TTLL5: variants seen among roughly 807,000 people sequenced by gnomAD.
The protein encoded by TTLL5 is tubulin polyglutamylase TTLL5.
TTLL5 carries 132 observed loss-of-function variants against 168.4 expected under a neutral mutation model. The observed-to-expected ratio is 0.78, with a 90% CI of 0.68 to 0.91. The LOEUF (loss-of-function observed/expected upper bound fraction) is 0.91, where lower values mean the gene tolerates loss of function less well. Ranked by LOEUF, TTLL5 falls within the 40% of genes least tolerant of loss-of-function variation. TTLL5 has a pLI of 0.00. For missense variants in TTLL5, 1,545 were observed against 1,581.5 expected, an observed-to-expected ratio of 0.98 and a Z score of 0.39; for synonymous variants, 546 against 558.6, an observed-to-expected ratio of 0.98 and a Z score of 0.32.
At chr14:75,917,780 G>A (rs1290207463) in intron 31 of TTLL5, among the ~76,000 whole-genome samples, 3 of 152,226 alleles carry the variant, frequency 2.0e-5, no homozygotes, top group African/African-American at 7.2e-5. Context: ...CTCTGCAGCA[G>A]AGGGTGGAGC....
At chr14:75,716,612 T>C (rs572699688) in intron 9 of TTLL5, among the ~76,000 whole-genome samples, 17 of 152,292 alleles carry the variant, frequency 1.1e-4, no homozygotes, top group African/African-American at 4.1e-4. Context: ...CTTTTTTTTT[T>C]CACACACTTG....
chr14:75,788,548 A>T (rs1383733243), intron 26 of TTLL5, among the ~76,000 whole-genome samples: 2 of 152,176 alleles, frequency 1.3e-5, no homozygotes, highest in Non-Finnish European at 2.9e-5. Flanking sequence ...TAACTTATGT[A>T]AAAATGACTC....
intron 31 of TTLL5, among the ~76,000 whole-genome samples, chr14:75,940,105 G>A (rs1207194537): frequency 1.8e-5 from 2 of 112,708 alleles, no homozygotes; most frequent in Non-Finnish European, 3.4e-5. Flanking sequence ...TTTTTGAGAT[G>A]GAGTCTCACT....
intron 28 of TTLL5, among the ~76,000 whole-genome samples, chr14:75,828,515 CTGTTTAT>C (rs1895364377): frequency 1.3e-5 from 2 of 152,192 alleles, no homozygotes; most frequent in Admixed American, 1.3e-4. Flanking sequence ...GTGTTAATTA[CTGTTTAT>C]CCGTAAGGCT....
At chr14:75,718,520 G>A (rs1887618553) in intron 10 of TTLL5, among the ~76,000 whole-genome samples, 2 of 151,918 alleles carry the variant, frequency 1.3e-5, no homozygotes, top group Non-Finnish European at 2.9e-5. Flanking sequence ...TGCTGAGGGG[G>A]GAGGAAAAAA....
At chr14:75,894,009 A>G (rs755174521) in intron 30 of TTLL5, among the ~76,000 whole-genome samples, 1 of 152,196 alleles carries the variant, frequency 6.6e-6, no homozygotes, top group Non-Finnish European at 1.5e-5. Flanking sequence ...GTTAATGACT[A>G]TAAAATAATT....
chr14:75,928,366 T>TATATATATATATATATATA (rs1202108865), intron 31 of TTLL5, among the ~76,000 whole-genome samples: 5 of 142,318 alleles, frequency 3.5e-5, no homozygotes, highest in African/African-American at 1.3e-4. Context: ...TATATATATA[T>TATATATATATATATATATA]ATCACTGTAT....
At chr14:75,699,403 G>A in intron 7 of TTLL5, 133 bp downstream of exon 7, 1 of 806,756 alleles carries the variant, frequency 1.2e-6, no homozygotes, top group Non-Finnish European at 2.0e-6. Flanking sequence ...TCAGAAGTGA[G>A]TTAAGCGTAG....
chr14:75,787,476 C>A (rs937288677), intron 26 of TTLL5, among the ~76,000 whole-genome samples: 6 of 152,150 alleles, frequency 3.9e-5, no homozygotes, highest in African/African-American at 1.4e-4. Context: ...AAAGTGTCTG[C>A]ACCTCATAAA....
intron 20 of TTLL5, among the ~76,000 whole-genome samples, chr14:75,767,077 TG>T (rs1445914322): frequency 6.6e-6 from 1 of 151,826 alleles, no homozygotes; most frequent in Non-Finnish European, 1.5e-5. Flanking sequence ...GCAGGAGAAT[TG>T]CTTGAACCTG....
chr14:75,925,460 G>C (rs1285072861), intron 31 of TTLL5, among the ~76,000 whole-genome samples: 2 of 88,362 alleles, frequency 2.3e-5, no homozygotes, highest in Non-Finnish European at 4.8e-5. Context: ...ACGGGGCGGC[G>C]GGGCAGAGGC....
chr14:75,667,776 T>TTTTTTGTGTTTG (rs869185683), intron 2 of TTLL5, among the ~76,000 whole-genome samples: 1 of 146,950 alleles, frequency 6.8e-6, no homozygotes, highest in Admixed American at 6.7e-5. Flanking sequence ...TTTTTTTTTT[T>TTTTTTGTGTTTG]ATTGAGACGG....
intron 6 of TTLL5, among the ~76,000 whole-genome samples, chr14:75,694,307 G>C (rs1215823164): frequency 2.0e-5 from 3 of 152,168 alleles, no homozygotes; most frequent in Non-Finnish European, 4.4e-5. Flanking sequence ...GAACATTCAG[G>C]ATTTTAATCA....
chr14:75,911,555 A>G (rs1338452129), intron 31 of TTLL5, among the ~76,000 whole-genome samples: 3 of 152,162 alleles, frequency 2.0e-5, no homozygotes, highest in Non-Finnish European at 4.4e-5. Flanking sequence ...TCTTATTTTA[A>G]TATCTAATGA....
chr14:75,709,542 A>G (rs1886908322), intron 9 of TTLL5: 1 of 255,866 alleles, frequency 3.9e-6, no homozygotes, highest in Non-Finnish European at 7.7e-6. Flanking sequence ...GAACTGAAAC[A>G]TCTCGCAGTT....
chr14:75,852,920 G>T (rs1896939459), intron 28 of TTLL5, among the ~76,000 whole-genome samples: 1 of 152,170 alleles, frequency 6.6e-6, no homozygotes, highest in Non-Finnish European at 1.5e-5. Context: ...TTTCTTAGTA[G>T]ACTGTTTCAG....
chr14:75,772,655 A>G (rs1329016277), intron 21 of TTLL5, among the ~76,000 whole-genome samples: 2 of 149,690 alleles, frequency 1.3e-5, no homozygotes, highest in Admixed American at 1.3e-4. Context: ...AAGAAGCCAC[A>G]GCCCTTCCAT....
chr14:75,945,155 T>C lies in TTLL5; in HGVS notation c.3824-9269T>C, dbSNP rs190289634. ...CACCTGCTTGGCCCTCTTCCAAGTGTACTTTCCTTCCTTTTGTTCCTGCTC... is the reference window on the plus strand; with the variant it reads ...CACCTGCTTGGCCCTCTTCCAAGTGCACTTTCCTTCCTTTTGTTCCTGCTC... On this transcript the variant is annotated intron_variant, in intron 31 of 31. Coordinates refer to ENST00000298832, the MANE Select transcript of TTLL5 (RefSeq NM_015072.5). Among the ~76,000 whole-genome samples the C allele has an allele frequency of 5.8e-3, 885 of 151,398 alleles. 8 individuals carry two copies. Among genetic ancestry groups the C allele is most frequent in the African/African-American group, 0.02 (825 of 41,320 alleles).
chr14:75,812,388 A>C (rs1419216597), intron 27 of TTLL5, among the ~76,000 whole-genome samples: 1 of 152,156 alleles, frequency 6.6e-6, no homozygotes, highest in African/African-American at 2.4e-5. Context: ...GACATGTGGA[A>C]CAAGTTGACT....
Sources: gnomAD v4.1 joint callset for allele counts (sites outside exome capture counted in the v4.1 genomes callset) on GRCh38, gnomAD v4.1.1 for gene constraint, MANE v1.5 for transcripts, NCBI Gene and HGNC (gene_info 2026-07-23, HGNC 2026-07-21) for gene names.